Variants in TP53INP1 observed in about 807,000 individuals in gnomAD.
TP53INP1 encodes tumor protein p53 inducible nuclear protein 1.
Under a neutral mutation model 21.0 loss-of-function variants are expected in TP53INP1, and 12 were observed. The observed-to-expected ratio is 0.57, with a 90% CI of 0.37 to 0.93. The LOEUF is 0.93. Ranked by LOEUF, TP53INP1 falls within the 40% of genes least tolerant of loss-of-function variation. TP53INP1 has a pLI of 0.01. For missense variants in TP53INP1, 274 were observed against 294.7 expected, an observed-to-expected ratio of 0.93 and a Z score of 0.51; for synonymous variants, 91 against 94.8, an observed-to-expected ratio of 0.96 and a Z score of 0.23.
chr8:94,946,011 C>A (rs1259667753), intron 1 of TP53INP1, among the ~76,000 whole-genome samples: 3 of 152,044 alleles, frequency 2.0e-5, no homozygotes, highest in Non-Finnish European at 4.4e-5. Flanking sequence ...ATAAACTGAA[C>A]AAAACCACAT....
Position 94,930,623 on chromosome 8 carries a change from C to G in TP53INP1, c.579G>C (p.Gln193His), listed in dbSNP as rs771481093. ...LEQPKSFRPS[Q>H]WIKEHSERQP... ...GTCTTTCACTGTGTTCTTTTATCCACTGGGAAGGGCGAAAGCTCTTGGGTT... is the reference window on the plus strand; with the variant it reads ...GTCTTTCACTGTGTTCTTTTATCCAGTGGGAAGGGCGAAAGCTCTTGGGTT... The change falls in exon 4 of 4, where the codon CAG (glutamine) becomes CAC (histidine). Residue 193 changes from glutamine (Q) to histidine (H), a missense_variant. Transcript: ENST00000342697. The G allele has an allele frequency of 8.1e-6, 13 of 1,614,186 alleles. No individual in the cohort carries two copies. Among genetic ancestry groups the G allele is most frequent in the Middle Eastern group, 1.6e-4 (1 of 6,062 alleles).
Position 94,940,069 on chromosome 8 carries a change from C to T in TP53INP1, c.264G>A (p.Glu88=). The T allele has an allele frequency of 1.2e-6, 2 of 1,614,174 alleles. No homozygotes were observed. Among genetic ancestry groups the T allele is most frequent in the Non-Finnish European group, 1.7e-6 (2 of 1,180,032 alleles). Residue 88 remains glutamate, a synonymous_variant, in exon 3 of 4, where the codon GAG becomes GAA. Transcript: ENST00000342697. ...ACCAGCTCTCCTCCATTGGACATGA[C>T]TCAAACTGGAGAAAGCAGGAATCAC... is the stretch of plus-strand genomic sequence containing the variant. ...DTSDSCFLQF[E]SCPMEESWFI...
rs868476224 is a variant in TP53INP1, at chr8:94,932,360, A to G, written c.474-1632T>C. On this transcript the variant is annotated intron_variant, in intron 3 of 3. Transcript: ENST00000342697. ...TCAATTTTCTGTGCTTTATGGTAAT[A>G]TCCCCAATGATAGACACAATGGAAG... 1.4e-4 allele frequency among the ~76,000 whole-genome samples: 21 copies of G among 152,364 alleles called. No individual in the cohort carries two copies. In the Middle Eastern group the frequency reaches 0.017, roughly 123 times the overall value.
In TP53INP1 at chr8:94,927,465, G is replaced by C. The variant is rs1819993523; in HGVS notation, c.*3014C>G. 1 of 152,118 alleles carries C rather than the reference G, an allele frequency of 6.6e-6. No homozygotes were observed. The highest frequency in any genetic ancestry group is 6.6e-5 in the Admixed American group (1 of 15,264). The allele number at this position is 152,118 out of a possible 1,614,324, so 9.4% of individuals were successfully genotyped here. On this transcript the variant is annotated 3_prime_UTR_variant, in exon 4 of 4. Transcript: ENST00000342697. ...TGTAAACAGGAACAGTTTGCATGGG[G>C]ATTGGAAAAATGTATAGGAAATTAA...
chr8:94,945,862 G>T (rs1821939609), intron 1 of TP53INP1, among the ~76,000 whole-genome samples: 1 of 152,170 alleles, frequency 6.6e-6, no homozygotes. Context: ...TCCCCGACAA[G>T]AGAAAAGAAC....
At chr8:94,931,609 C>CACAT (rs146282014) in intron 3 of TP53INP1, among the ~76,000 whole-genome samples, 156 of 151,678 alleles carry the variant, frequency 1.0e-3, no homozygotes, top group African/African-American at 3.4e-3. Context: ...CACACACACA[C>CACAT]ATAAAATTTT....
intron 2 of TP53INP1, among the ~76,000 whole-genome samples, chr8:94,940,445 C>G (rs1821421486): frequency 6.6e-6 from 1 of 150,476 alleles, no homozygotes; most frequent in African/African-American, 2.4e-5. Context: ...CACAGAAATT[C>G]TGTGTGTGTG....
intron 3 of TP53INP1, chr8:94,931,982 A>G: frequency 7.4e-7 from 1 of 1,354,850 alleles, no homozygotes; most frequent in East Asian, 2.5e-5. Flanking sequence ...AAAAAAAGAA[A>G]GAAAGTCATT....
chr8:94,939,557 G>A (rs946792621), intron 3 of TP53INP1: 15 of 326,890 alleles, frequency 4.6e-5, no homozygotes, highest in Middle Eastern at 2.2e-3. Context: ...CACCACACCT[G>A]GCTAATTTTT....
intron 3 of TP53INP1, chr8:94,931,927 A>C: frequency 2.8e-6 from 2 of 702,236 alleles, no homozygotes; most frequent in South Asian, 4.5e-5. Context: ...AGCCAATATC[A>C]CACCATTGCA....
At position 94,928,982 on chromosome 8, in the gene TP53INP1, T is replaced by G. The variant is rs1224236523; in HGVS notation, c.*1497A>C. On this transcript the variant is annotated 3_prime_UTR_variant, in exon 4 of 4. Coordinates refer to ENST00000342697, the MANE Select transcript of TP53INP1 (RefSeq NM_033285.4). The stretch of plus-strand genomic sequence containing the variant: ...TGCTTTGGATTGTAAATATGTTTAC[T>G]TCAGAGGAAATCAGTCAGAGTGGAT... 6.6e-6 allele frequency: 1 copy of G among 152,648 alleles called. No individual in the cohort carries two copies. Among genetic ancestry groups the G allele is most frequent in the African/African-American group, 2.4e-5 (1 of 41,456 alleles). 9.5% of individuals were successfully genotyped at this position (152,648 alleles called of 1,614,324 possible). A position where few individuals can be genotyped will look rare whatever the true frequency, so the allele number is the denominator to read the frequency against.
chr8:94,935,608 CCT>C (rs1255577642), intron 3 of TP53INP1, among the ~76,000 whole-genome samples: 2 of 152,138 alleles, frequency 1.3e-5, no homozygotes, highest in Non-Finnish European at 2.9e-5. Flanking sequence ...GAACCAAAGG[CCT>C]CTCCTACACA....
intron 3 of TP53INP1, among the ~76,000 whole-genome samples, chr8:94,937,248 C>G (rs1821066682): frequency 6.6e-6 from 1 of 152,104 alleles, no homozygotes; most frequent in African/African-American, 2.4e-5. Flanking sequence ...CGAGACTAGC[C>G]TGGCAAATAT....
At chr8:94,948,854 C>T (rs562144264) in intron 1 of TP53INP1, among the ~76,000 whole-genome samples, 187 of 152,086 alleles carry the variant, frequency 1.2e-3, no homozygotes, top group African/African-American at 4.3e-3. Flanking sequence ...AGACCAAACT[C>T]CCAACCGCCG....
rs187919155 is a variant in TP53INP1, at chr8:94,938,449, G to A, written c.473+1411C>T. ...CCTTGGAACCTCCAATGTGGAAAGC[G>A]TATGCTAATTAGTTGACTGGTGGTT... On this transcript the variant is annotated intron_variant, in intron 3 of 3. Transcript: ENST00000342697. Among the ~76,000 whole-genome samples the A allele has an allele frequency of 1.6e-4, 25 of 152,316 alleles. No individual in the cohort carries two copies. The East Asian group carries it at 2.7e-3, about 16-fold the overall frequency.
Position 94,930,317 on chromosome 8 carries a change from G to A in TP53INP1, c.*162C>T, listed in dbSNP as rs531375044. ...AAGGCAAGGCATTATGTGATACACAGCATATAAATCTGATTTTCAAGATAG... is the reference window on the plus strand; with the variant it reads ...AAGGCAAGGCATTATGTGATACACAACATATAAATCTGATTTTCAAGATAG... On this transcript the variant is annotated 3_prime_UTR_variant, in exon 4 of 4. Transcript: ENST00000342697. The A allele has an allele frequency of 3.2e-6, 3 of 940,108 alleles. No homozygotes were observed. Among genetic ancestry groups the A allele is most frequent in the South Asian group, 3.5e-5 (2 of 57,780 alleles). The allele number at this position is 940,108 out of a possible 1,614,324, so 58.2% of individuals were successfully genotyped here.
rs892079758 is a variant in TP53INP1 at position 94,927,241 on chromosome 8, T to C, written c.*3238A>G. Reference sequence around the variant, plus strand: ...ATGAAGATACTCTTCCTTGCTCGTTTTTCTTAAGAGTACATAAAGATAATA... The same window carrying C: ...ATGAAGATACTCTTCCTTGCTCGTTCTTCTTAAGAGTACATAAAGATAATA... On this transcript the variant is annotated 3_prime_UTR_variant, in exon 4 of 4. Transcript: ENST00000342697. 3.9e-5 allele frequency: 6 copies of C among 152,640 alleles called. No homozygotes were observed. Among genetic ancestry groups the C allele is most frequent in the Admixed American group, 3.9e-4 (6 of 15,280 alleles). The allele number at this position is 152,640 out of a possible 1,614,324, so 9.5% of individuals were successfully genotyped here.
At chr8:94,943,941 A>G (rs1311906090) in intron 1 of TP53INP1, among the ~76,000 whole-genome samples, 7 of 152,208 alleles carry the variant, frequency 4.6e-5, no homozygotes, top group Non-Finnish European at 1.0e-4. Flanking sequence ...AATCAGAAGA[A>G]AAGTGTAGTT....
At chr8:94,944,053 A>G (rs953047544) in intron 1 of TP53INP1, among the ~76,000 whole-genome samples, 3 of 152,256 alleles carry the variant, frequency 2.0e-5, no homozygotes, top group African/African-American at 7.2e-5. Context: ...AGGGAAAAAC[A>G]TATTTTCAAA....
Sources: gnomAD v4.1 joint callset for allele counts (sites outside exome capture counted in the v4.1 genomes callset) on GRCh38, gnomAD v4.1.1 for gene constraint, MANE v1.5 for transcripts, NCBI Gene and HGNC (gene_info 2026-07-23, HGNC 2026-07-21) for gene names.